The following EYS variants were observed in gnomAD, a reference collection of about 807,000 sequenced individuals.
EYS encodes the protein EGF-like photoreceptor maintenance factor, also known as protein eyes shut homolog.
EYS carries 250 observed loss-of-function variants against 282.1 expected under a neutral mutation model. The ratio of observed to expected loss-of-function variants is 0.89; its 90% confidence interval spans 0.80 to 0.98. The LOEUF (loss-of-function observed/expected upper bound fraction) is 0.98. EYS is among the 50% of genes least tolerant of loss of function. The pLI is 0.00. For synonymous variants in EYS, 1,355 were observed against 1,282.9 expected, an observed-to-expected ratio of 1.06 and a Z score of -1.20; for missense variants, 4,016 against 3,709.0, an observed-to-expected ratio of 1.08 and a Z score of -2.15.
chr6:63,865,548 C>A (rs570787218), intron 35 of EYS, among the ~76,000 whole-genome samples: 21 of 152,020 alleles, frequency 1.4e-4, no homozygotes, highest in South Asian at 1.0e-3. Flanking sequence ...CTTCTCAATG[C>A]GACTGTTAGC....
intron 22 of EYS, among the ~76,000 whole-genome samples, chr6:64,685,965 A>G (rs1770083526): frequency 6.6e-6 from 1 of 152,096 alleles, no homozygotes; most frequent in African/African-American, 2.4e-5. Flanking sequence ...ACCATGATAA[A>G]CTCAATGGAA....
intron 29 of EYS, among the ~76,000 whole-genome samples, chr6:64,315,850 A>G (rs776464185): frequency 7.2e-5 from 11 of 151,946 alleles, no homozygotes; most frequent in African/African-American, 4.8e-5. Flanking sequence ...CCAGCCACAC[A>G]TCAAAAAGCT....
chr6:65,381,593 C>A (rs530744687), intron 8 of EYS, among the ~76,000 whole-genome samples: 11 of 151,900 alleles, frequency 7.2e-5, no homozygotes, highest in Non-Finnish European at 1.5e-4. Flanking sequence ...ATGTAACGAA[C>A]GTTTACATTC....
At chr6:64,473,659 T>C (rs1415680623) in intron 26 of EYS, among the ~76,000 whole-genome samples, 1 of 152,166 alleles carries the variant, frequency 6.6e-6, no homozygotes, top group African/African-American at 2.4e-5. Flanking sequence ...CATTACCTTT[T>C]GATAGATGTT....
intron 13 of EYS, among the ~76,000 whole-genome samples, chr6:65,031,823 C>G (rs190578841): frequency 1.2e-4 from 18 of 150,110 alleles, no homozygotes; most frequent in African/African-American, 4.4e-4. Context: ...TCAGAGGGAC[C>G]AGAAAAAAAG....
intron 22 of EYS, among the ~76,000 whole-genome samples, chr6:64,662,669 C>T (rs929156813): frequency 2.0e-5 from 3 of 152,098 alleles, no homozygotes; most frequent in Non-Finnish European, 2.9e-5. Context: ...AGCCTTGCTT[C>T]GCTCATAGAT....
chr6:64,856,212 T>G (rs974649642), intron 19 of EYS, among the ~76,000 whole-genome samples: 1 of 152,154 alleles, frequency 6.6e-6, no homozygotes, highest in Non-Finnish European at 1.5e-5. Flanking sequence ...GGTTGTGCCA[T>G]TTTGCATCTC....
chr6:65,397,125 G>T (rs1416494607), intron 7 of EYS, among the ~76,000 whole-genome samples: 1 of 151,614 alleles, frequency 6.6e-6, no homozygotes, highest in Non-Finnish European at 1.5e-5. Flanking sequence ...TCCTATCTGG[G>T]TTCAATGTGA....
chr6:63,928,206 A>C (rs1764776451), intron 35 of EYS, among the ~76,000 whole-genome samples: 1 of 152,168 alleles, frequency 6.6e-6, no homozygotes, highest in African/African-American at 2.4e-5. Context: ...TAGCAGAAAG[A>C]GAAGGTTTAT....
At chr6:64,866,260 T>TCTTTAAAAAGAAA in intron 19 of EYS, among the ~76,000 whole-genome samples, 1 of 152,058 alleles carries the variant, frequency 6.6e-6, no homozygotes, top group Admixed American at 6.5e-5. Flanking sequence ...TAAAGAAAAT[T>TCTTTAAAAAGAAA]GCCTCTTTCT....
At chr6:63,757,624 C>A (rs1271341883) in intron 41 of EYS, among the ~76,000 whole-genome samples, 1 of 152,084 alleles carries the variant, frequency 6.6e-6, no homozygotes, top group Non-Finnish European at 1.5e-5. Flanking sequence ...GGGCATCACA[C>A]ACCTACCAAT....
intron 41 of EYS, among the ~76,000 whole-genome samples, chr6:63,750,453 CTCT>C (rs767994092): frequency 6.6e-6 from 1 of 152,170 alleles, no homozygotes. Flanking sequence ...CCCTTCTAAT[CTCT>C]TACTCTCCTT....
At chr6:65,184,537 C>T (rs1765470977) in intron 12 of EYS, among the ~76,000 whole-genome samples, 1 of 150,904 alleles carries the variant, frequency 6.6e-6, no homozygotes, top group South Asian at 2.1e-4. Context: ...TAAACAGCAA[C>T]AAACCGAGAA....
chr6:64,370,833 A>G (rs981656446), intron 29 of EYS, among the ~76,000 whole-genome samples: 2 of 151,920 alleles, frequency 1.3e-5, no homozygotes, highest in African/African-American at 4.8e-5. Context: ...AGTCTCTGAC[A>G]GTTTTTTGTA....
chr6:65,105,422 A>G (rs1357643110), intron 12 of EYS, among the ~76,000 whole-genome samples: 1 of 151,882 alleles, frequency 6.6e-6, no homozygotes, highest in Non-Finnish European at 1.5e-5. Flanking sequence ...ACACGTACAC[A>G]CATAAACTAT....
chr6:65,517,434 T>A (rs1225925968), intron 2 of EYS, among the ~76,000 whole-genome samples: 1 of 151,916 alleles, frequency 6.6e-6, no homozygotes, highest in Non-Finnish European at 1.5e-5. Context: ...CTCAAAAATC[T>A]TTCACAATGA....
In EYS at chr6:64,057,394, T is replaced by A. The variant is rs59942454; in HGVS notation, c.6725+8944A>T. 2.7e-3 allele frequency among the ~76,000 whole-genome samples: 405 copies of A among 150,274 alleles called. 3 individuals carry two copies. Among genetic ancestry groups the A allele is most frequent in the East Asian group, 9.1e-3 (47 of 5,166 alleles). On this transcript the variant is annotated intron_variant, in intron 33 of 42. Transcript: ENST00000503581. ...TAAAGTAAGGTTTTTTTTTTTTTTT[T>A]AAAAATAGAATGGTCTCAAATGTGT... is the stretch of plus-strand genomic sequence containing the variant.
At chr6:65,690,732 C>G (rs1461403416) in intron 1 of EYS, among the ~76,000 whole-genome samples, 3 of 149,908 alleles carry the variant, frequency 2.0e-5, no homozygotes, top group Non-Finnish European at 4.4e-5. Context: ...CCTCCTCTAG[C>G]CCCCCAGCCC....
intron 2 of EYS, among the ~76,000 whole-genome samples, chr6:65,568,240 T>A (rs921593677): frequency 6.6e-6 from 1 of 152,116 alleles, no homozygotes; most frequent in Non-Finnish European, 1.5e-5. Context: ...ATAGAATTCC[T>A]CTTCTCCCCT....
Sources: gnomAD v4.1 joint callset for allele counts (sites outside exome capture counted in the v4.1 genomes callset) on GRCh38, gnomAD v4.1.1 for gene constraint, MANE v1.5 for transcripts, NCBI Gene and HGNC (gene_info 2026-07-23, HGNC 2026-07-21) for gene names.